Variants in ZSCAN25 observed in about 807,000 individuals in gnomAD.
The protein encoded by ZSCAN25 is zinc finger and SCAN domain-containing protein 25.
A neutral mutation model predicts 38.7 loss-of-function variants in ZSCAN25; 27 were observed. The observed-to-expected ratio is 0.70, with a 90% CI of 0.51 to 0.96. The LOEUF (loss-of-function observed/expected upper bound fraction) is 0.96, where lower values mean the gene tolerates loss of function less well. ZSCAN25 is among the 40% of genes least tolerant of loss of function. The pLI is 0.00. For missense variants in ZSCAN25, 637 were observed against 705.9 expected (o/e 0.90, Z 1.11); for synonymous variants, 273 against 277.7 (o/e 0.98, Z 0.17).
chr7:99,627,651 G>A lies in ZSCAN25; in HGVS notation c.806-1540G>A, dbSNP rs116188723. 4.2e-3 allele frequency among the ~76,000 whole-genome samples: 623 copies of A among 149,620 alleles called. 2 individuals carry two copies. The highest frequency in any genetic ancestry group is 0.015 in the African/African-American group (596 of 40,680). On this transcript the variant is annotated intron_variant, in intron 7 of 7. Transcript: ENST00000394152. The stretch of plus-strand genomic sequence containing the variant: ...CAGACAATGTGTTCCCGTTGGTATA[G>A]TATATATGTATACTATATACGTATA...
the ZSCAN25 span, among the ~76,000 whole-genome samples, chr7:99,693,111 C>G: frequency 6.6e-6 from 1 of 152,130 alleles, no homozygotes; most frequent in African/African-American, 2.4e-5. Flanking sequence ...GATGTTGATG[C>G]TATTTCTGTC....
At chr7:99,661,634 G>A in the ZSCAN25 span, among the ~76,000 whole-genome samples, 1 of 152,196 alleles carries the variant, frequency 6.6e-6, no homozygotes. Context: ...AAATAAATAT[G>A]GTGCCTGCAG....
At chr7:99,618,114 T>A (rs1806624453) in intron 1 of ZSCAN25, 1 of 152,232 alleles carries the variant, frequency 6.6e-6, no homozygotes, top group South Asian at 2.1e-4. Flanking sequence ...TCAGGTGATC[T>A]TTCCGTTTTC....
the ZSCAN25 span, among the ~76,000 whole-genome samples, chr7:99,718,009 C>T: frequency 2.0e-5 from 3 of 151,968 alleles, no homozygotes; most frequent in Non-Finnish European, 4.4e-5. Flanking sequence ...TTTATGTTCA[C>T]CTAAACCATG....
chr7:99,693,609 C>T, the ZSCAN25 span, among the ~76,000 whole-genome samples: 1 of 152,228 alleles, frequency 6.6e-6, no homozygotes, highest in Non-Finnish European at 1.5e-5. Flanking sequence ...ACTCAAGCCT[C>T]AGCAATGGCT....
At chr7:99,692,214 A>C in the ZSCAN25 span, among the ~76,000 whole-genome samples, 1 of 152,180 alleles carries the variant, frequency 6.6e-6, no homozygotes, top group Admixed American at 6.5e-5. Flanking sequence ...AGTATGTTGA[A>C]TATTGACCCC....
the ZSCAN25 span, chr7:99,660,059 T>C: frequency 1.2e-5 from 4 of 322,628 alleles, no homozygotes; most frequent in South Asian, 3.7e-4. Context: ...CTGGGTGCAC[T>C]GCACCCACTG....
At chr7:99,638,659 C>T in the ZSCAN25 span, 2 of 1,571,814 alleles carry the variant, frequency 1.3e-6, no homozygotes, top group African/African-American at 1.3e-5. Flanking sequence ...CACCGACTGG[C>T]CCAGCTTCAA....
At chr7:99,695,934 G>C in the ZSCAN25 span, 7 of 1,008,742 alleles carry the variant, frequency 6.9e-6, no homozygotes, top group African/African-American at 1.7e-5. Flanking sequence ...ATGCTCAAGA[G>C]AAGGAGGTAA....
chr7:99,646,764 G>A, the ZSCAN25 span, among the ~76,000 whole-genome samples: 1 of 149,914 alleles, frequency 6.7e-6, no homozygotes, highest in Non-Finnish European at 1.5e-5. Flanking sequence ...TTGTTATCTA[G>A]CCCTATCAGT....
the ZSCAN25 span, chr7:99,722,175 T>C: frequency 8.1e-7 from 1 of 1,238,504 alleles, no homozygotes; most frequent in Non-Finnish European, 1.2e-6. Context: ...ACCTCTCTGT[T>C]TGTAGTTAGG....
intron 1 of ZSCAN25, among the ~76,000 whole-genome samples, chr7:99,617,936 A>C (rs1371866529): frequency 6.6e-6 from 1 of 152,262 alleles, no homozygotes; most frequent in African/African-American, 2.4e-5. Flanking sequence ...AACCAATGCA[A>C]TAGCTAGAAA....
At chr7:99,711,781 AAAC>A in the ZSCAN25 span, among the ~76,000 whole-genome samples, 3 of 151,210 alleles carry the variant, frequency 2.0e-5, no homozygotes, top group African/African-American at 4.9e-5. Flanking sequence ...AAACAAAACA[AAAC>A]AACAACAACA....
the ZSCAN25 span, chr7:99,648,135 C>G: frequency 3.1e-5 from 42 of 1,356,534 alleles, no homozygotes; most frequent in Non-Finnish European, 3.7e-5. Context: ...ATGCACAACA[C>G]TCTACACAGA....
chr7:99,735,291 C>T, the ZSCAN25 span: 4 of 651,762 alleles, frequency 6.1e-6, no homozygotes, highest in Non-Finnish European at 1.1e-5. Flanking sequence ...TGCCTGCAGT[C>T]GGAAGAGGCT....
intron 7 of ZSCAN25, among the ~76,000 whole-genome samples, chr7:99,626,353 A>T (rs1244456671): frequency 1.3e-5 from 2 of 152,018 alleles, no homozygotes; most frequent in Non-Finnish European, 2.9e-5. Context: ...TTGTTTAAAA[A>T]TTTTTTCTGC....
the ZSCAN25 span, chr7:99,707,708 C>G: frequency 1.4e-5 from 22 of 1,547,228 alleles, no homozygotes; most frequent in Non-Finnish European, 1.9e-5. Context: ...GCCCATAGAA[C>G]AAATTATTAA....
chr7:99,685,091 T>A, the ZSCAN25 span: 5 of 1,350,582 alleles, frequency 3.7e-6, no homozygotes, highest in South Asian at 5.9e-5. Flanking sequence ...TCTCTGGTGT[T>A]CTAGGTCACA....
the ZSCAN25 span, among the ~76,000 whole-genome samples, chr7:99,692,287 T>G: frequency 6.6e-6 from 1 of 152,258 alleles, no homozygotes; most frequent in Non-Finnish European, 1.5e-5. Flanking sequence ...TGGACTTCCC[T>G]TTGTGGGGAA....
Sources: allele counts gnomAD v4.1 joint callset (sites outside exome capture counted in the v4.1 genomes callset), GRCh38; gene constraint gnomAD v4.1.1; transcripts MANE v1.5; gene names NCBI Gene and HGNC (gene_info 2026-07-23, HGNC 2026-07-21).